CPLANE1: variants seen among roughly 807,000 people sequenced by gnomAD.
CPLANE1 encodes the protein ciliogenesis and planar polarity effector 1.
In CPLANE1, 263 loss-of-function variants were observed where a neutral mutation model predicts 362.5. The observed-to-expected ratio is 0.73, with a 90% confidence interval of 0.66 to 0.80. The LOEUF (loss-of-function observed/expected upper bound fraction) is 0.80. CPLANE1 is among the 30% of genes least tolerant of loss of function. The pLI is 0.00. For missense variants in CPLANE1, 3,461 were observed against 3,793.4 expected, an observed-to-expected ratio of 0.91 and a Z score of 2.30; for synonymous variants, 1,212 against 1,302.6, an observed-to-expected ratio of 0.93 and a Z score of 1.50.
intron 46 of CPLANE1, among the ~76,000 whole-genome samples, chr5:37,133,737 C>A (rs943398913): frequency 7.9e-5 from 12 of 152,056 alleles, no homozygotes; most frequent in African/African-American, 2.9e-4. Flanking sequence ...AATCTGAATT[C>A]TTATTTTCCT....
Position 37,153,947 on chromosome 5 carries a change from T to C in CPLANE1, c.8166A>G (p.Ser2722=). 6.2e-7 allele frequency: 1 copy of C among 1,614,060 alleles called. No individual in the cohort carries two copies. The highest frequency in any genetic ancestry group is 1.1e-5 in the South Asian group (1 of 91,076). ...ACAATAGATAATCTTCTGCAGAGTC[T>C]GACTTTGTGCTCTGTCCTTTGAATC... ...EFRFKGQSTK[S]DSAEDYLLWK... Residue 2722 remains serine (S), a synonymous_variant, in exon 42 of 53, where the codon TCA becomes TCG. Coordinates refer to ENST00000651892, the MANE Select transcript of CPLANE1 (RefSeq NM_001384732.1).
At chr5:37,175,271 C>A (rs967998579) in intron 31 of CPLANE1, among the ~76,000 whole-genome samples, 2 of 152,152 alleles carry the variant, frequency 1.3e-5, no homozygotes, top group African/African-American at 4.8e-5. Flanking sequence ...TGGATGTGCA[C>A]AGCCCAGGCC....
chr5:37,227,891 A>T, intron 9 of CPLANE1, 74 bp from the exon 10 acceptor site: 2 of 1,375,154 alleles, frequency 1.5e-6, no homozygotes, highest in Non-Finnish European at 1.9e-6. Flanking sequence ...TTTTTCAAAA[A>T]AGAAGAAAAA....
chr5:37,193,442 G>A (rs908137064), intron 21 of CPLANE1, among the ~76,000 whole-genome samples: 1 of 152,108 alleles, frequency 6.6e-6, no homozygotes, highest in African/African-American at 2.4e-5. Flanking sequence ...ATTACCTGAG[G>A]TCAGGAGTTT....
At position 37,187,753 on chromosome 5, in the gene CPLANE1, C is replaced by A; in HGVS notation, c.3901G>T (p.Glu1301Ter). Residue 1301 changes from glutamate (E) to a stop codon, truncating the protein, a stop_gained, in exon 22 of 53, where the codon GAA (glutamate) becomes TAA (stop). Coordinates refer to ENST00000651892, the MANE Select transcript of CPLANE1 (RefSeq NM_001384732.1). LOFTEE classifies it high-confidence loss of function. ...AATACCTTTTCTCCTTTTACATTTTCTCTTGCTTTCTGATATTGCCTGCAA... is the reference window on the plus strand; with the variant it reads ...AATACCTTTTCTCCTTTTACATTTTATCTTGCTTTCTGATATTGCCTGCAA... ...YSCRQYQKAR[E>*]NVKGEKDLEV... The A allele has an allele frequency of 6.2e-7, 1 of 1,613,422 alleles. No individual in the cohort carries two copies. Among genetic ancestry groups the A allele is most frequent in the South Asian group, 1.1e-5 (1 of 90,982 alleles).
At chr5:37,113,358 C>T (rs1363951966) in intron 51 of CPLANE1, among the ~76,000 whole-genome samples, 1 of 152,192 alleles carries the variant, frequency 6.6e-6, no homozygotes, top group Non-Finnish European at 1.5e-5. Flanking sequence ...CCATGTAAGA[C>T]TTGCCTTTGC....
chr5:37,119,460 C>T (rs890298369), intron 50 of CPLANE1, among the ~76,000 whole-genome samples: 5 of 149,656 alleles, frequency 3.3e-5, no homozygotes, highest in Non-Finnish European at 7.4e-5. Context: ...CACCTGAGGT[C>T]GGGAGTTCGA....
At chr5:37,096,067 G>GA in the CPLANE1 span, among the ~76,000 whole-genome samples, 1 of 152,018 alleles carries the variant, frequency 6.6e-6, no homozygotes, top group African/African-American at 2.4e-5. Context: ...CACAGAATTA[G>GA]AAAAAACAAT....
intron 5 of CPLANE1, among the ~76,000 whole-genome samples, chr5:37,243,670 AAT>A (rs1243969345): frequency 6.8e-6 from 1 of 147,374 alleles, no homozygotes; most frequent in Non-Finnish European, 1.5e-5. Context: ...ATATATAAAA[AAT>A]ATATATACAT....
intron 41 of CPLANE1, 67 bp from the exon 42 acceptor site, chr5:37,154,060 A>T (rs1046557602): frequency 7.3e-7 from 1 of 1,379,016 alleles, no homozygotes; most frequent in Non-Finnish European, 9.8e-7. Context: ...TGATGATCTC[A>T]TTTTTTGATG....
chr5:37,227,933 AAC>A (rs1328417133), intron 9 of CPLANE1, 116 bp from the exon 10 acceptor site: 12 of 932,728 alleles, frequency 1.3e-5, no homozygotes, highest in South Asian at 1.8e-5. Context: ...AAGCAAGTGA[AAC>A]ACACAAAAAT....
Position 37,186,317 on chromosome 5 carries a change from AAG to A in CPLANE1, c.4156_4157del (p.Leu1386SerfsTer15), listed in dbSNP as rs754939143. On this transcript the variant is annotated frameshift_variant, in exon 24 of 53. Transcript: ENST00000651892. The part of the protein sequence containing the change: ...RVPLRDKYHS[L>X]HQRLRHCVVK... ...CAACACAGTGTCTGAGTCTCTGGTGAAGAGAGTGATATTTGTCTCTTAAAGGA... is the reference window on the plus strand; with the variant it reads ...CAACACAGTGTCTGAGTCTCTGGTGAAGAGTGATATTTGTCTCTTAAAGGA... 2 of 1,589,562 alleles carry A rather than the reference AAG, an allele frequency of 1.3e-6. No homozygotes were observed. The highest frequency in any genetic ancestry group is 1.3e-5 in the African/African-American group (1 of 74,480).
rs139172263 is a variant in CPLANE1, at chr5:37,134,906, G to A, written c.8792+3814C>T. On this transcript the variant is annotated intron_variant, in intron 46 of 52. Coordinates refer to ENST00000651892, the MANE Select transcript of CPLANE1 (RefSeq NM_001384732.1). The stretch of plus-strand genomic sequence containing the variant: ...CCTCCCAGGTTCAAGTGCTTCTCCT[G>A]CCTCAGCCTCCCGAGTAGCTGGGAT... Among the ~76,000 whole-genome samples, 1,019 of 150,650 alleles carry A rather than the reference G, an allele frequency of 6.8e-3. 7 individuals carry two copies. Among genetic ancestry groups the A allele is most frequent in the Non-Finnish European group, 9.3e-3 (629 of 67,874 alleles).
intron 38 of CPLANE1, 123 bp downstream of exon 38, chr5:37,162,342 G>T: frequency 1.6e-6 from 1 of 624,014 alleles, no homozygotes; most frequent in Non-Finnish European, 2.8e-6. Context: ...GAAAAATCTA[G>T]GCAGAGTAAA....
chr5:37,155,867 C>G (rs758351814), intron 41 of CPLANE1, among the ~76,000 whole-genome samples: 2 of 152,188 alleles, frequency 1.3e-5, no homozygotes, highest in Non-Finnish European at 2.9e-5. Context: ...AAATCCAGGT[C>G]TGTTCTATGT....
At chr5:37,120,118 T>C in intron 50 of CPLANE1, 98 bp downstream of exon 50, 6 of 1,244,490 alleles carry the variant, frequency 4.8e-6, no homozygotes, top group East Asian at 2.6e-5. Context: ...AACTCCTTTT[T>C]ACTAAGACTT....
chr5:37,148,265 C>A lies in CPLANE1; in HGVS notation c.8377G>T (p.Gly2793Ter). 1 of 1,600,214 alleles carries A rather than the reference C, an allele frequency of 6.2e-7. No individual in the cohort carries two copies. The highest frequency in any genetic ancestry group is 8.5e-7 in the Non-Finnish European group (1 of 1,171,140). The change falls in exon 43 of 53, where the codon GGA (glycine) becomes TGA (stop). Residue 2793 changes from glycine to a stop codon, truncating the protein, a stop_gained. Coordinates refer to ENST00000651892, the MANE Select transcript of CPLANE1 (RefSeq NM_001384732.1). LOFTEE classifies it high-confidence loss of function. ...GAGAATTCAATGTGATCCACTGGTCCAATCTGTAGAAAAAACACACACAAC... is the reference window on the plus strand; with the variant it reads ...GAGAATTCAATGTGATCCACTGGTCAAATCTGTAGAAAAAACACACACAAC... ...EMLDLHCDKI[G>*]PVDHIEFSSG...
intron 24 of CPLANE1, among the ~76,000 whole-genome samples, chr5:37,185,637 A>G (rs1244492702): frequency 6.6e-6 from 1 of 152,168 alleles, no homozygotes; most frequent in Non-Finnish European, 1.5e-5. Flanking sequence ...CACAAATACA[A>G]TATATTAATA....
intron 44 of CPLANE1, 49 bp from the exon 45 acceptor site, chr5:37,139,419 T>C: frequency 8.8e-7 from 1 of 1,136,734 alleles, no homozygotes; most frequent in Non-Finnish European, 1.2e-6. Context: ...TTTTTTGCTT[T>C]CAATTGTTAA....
Sources: gnomAD v4.1 joint callset for allele counts (sites outside exome capture counted in the v4.1 genomes callset) on GRCh38, gnomAD v4.1.1 for gene constraint, MANE v1.5 for transcripts, NCBI Gene and HGNC (gene_info 2026-07-23, HGNC 2026-07-21) for gene names.